CTDP1: variants seen among roughly 807,000 people sequenced by gnomAD.
The protein encoded by CTDP1 is RNA polymerase II subunit A C-terminal domain phosphatase.
CTDP1 carries 47 observed loss-of-function variants against 91.8 expected under a neutral mutation model. The observed-to-expected ratio is 0.51, with a 90% CI of 0.41 to 0.65. The LOEUF is 0.65. Ranked by LOEUF, CTDP1 falls within the 30% of genes least tolerant of loss-of-function variation. The pLI is 0.00. For synonymous variants in CTDP1, 656 were observed against 598.5 expected, an observed-to-expected ratio of 1.10 and a Z score of -1.40; for missense variants, 1,272 against 1,373.7, an observed-to-expected ratio of 0.93 and a Z score of 1.17.
rs180921777 is a variant in CTDP1, at chr18:79,729,577, G to A, written c.2580+508G>A. ...TCACAGCATCTCGTTATCACAGCGCGAAACAACTTTAGGCAGCATCGGTGG... is the reference window on the plus strand; with the variant it reads ...TCACAGCATCTCGTTATCACAGCGCAAAACAACTTTAGGCAGCATCGGTGG... On this transcript the variant is annotated intron_variant, in intron 11 of 12. Coordinates refer to ENST00000613122, the MANE Select transcript of CTDP1 (RefSeq NM_004715.5). Among the ~76,000 whole-genome samples the A allele has an allele frequency of 2.9e-3, 438 of 152,334 alleles. 1 individual carries two copies. The highest frequency in any genetic ancestry group is 0.01 in the African/African-American group (428 of 41,582).
intron 1 of CTDP1, 133 bp downstream of exon 1, chr18:79,680,394 C>A: frequency 1.5e-6 from 1 of 675,440 alleles, no homozygotes; most frequent in Non-Finnish European, 2.1e-6. Flanking sequence ...GACGCAGGCA[C>A]TGCGCTTCTC....
At chr18:79,699,624 T>G (rs1373873148) in intron 4 of CTDP1, among the ~76,000 whole-genome samples, 1 of 152,138 alleles carries the variant, frequency 6.6e-6, no homozygotes, top group Admixed American at 6.5e-5. Context: ...TGTAAGGACT[T>G]TATGAAAATA....
At chr18:79,748,698 G>A (rs776872706) in intron 12 of CTDP1, among the ~76,000 whole-genome samples, 3 of 152,198 alleles carry the variant, frequency 2.0e-5, no homozygotes, top group Non-Finnish European at 4.4e-5. Flanking sequence ...TGTTCCCAGC[G>A]AATGCCATGA....
At position 79,712,872 on chromosome 18, in the gene CTDP1, G is replaced by A. The variant is rs890051626; in HGVS notation, c.864-100G>A. On this transcript the variant is annotated intron_variant, in intron 6 of 12. Coordinates refer to ENST00000613122, the MANE Select transcript of CTDP1 (RefSeq NM_004715.5). ...CGTCTGATTAACCTGCTGTCTGCTG[G>A]TTACATGTGGATTAGAATCTTAAAC... 1.8e-5 allele frequency: 24 copies of A among 1,312,876 alleles called. No homozygotes were observed. In the African/African-American group the frequency reaches 3.4e-4, roughly 18 times the overall value. The allele number at this position is 1,312,876 out of a possible 1,614,324, so 81.3% of individuals were successfully genotyped here. A position where few individuals can be genotyped will look rare whatever the true frequency, so the allele number is the denominator to read the frequency against.
upstream of CTDP1, chr18:79,677,767 T>A (rs1206280985): frequency 6.6e-6 from 1 of 152,214 alleles, no homozygotes; most frequent in Non-Finnish European, 1.5e-5. Flanking sequence ...CATCCAGTAG[T>A]CTGTAAATGT....
intron 1 of CTDP1, among the ~76,000 whole-genome samples, chr18:79,689,093 T>A (rs1470413659): frequency 1.3e-5 from 2 of 152,190 alleles, no homozygotes; most frequent in African/African-American, 4.8e-5. Context: ...CCTAATAAAG[T>A]CCTTTGTAAC....
intron 10 of CTDP1, among the ~76,000 whole-genome samples, chr18:79,721,601 A>T (rs1188790199): frequency 1.3e-5 from 2 of 152,160 alleles, no homozygotes; most frequent in Non-Finnish European, 2.9e-5. Context: ...ATACTGTTGA[A>T]TAAAATATCC....
At chr18:79,678,283 G>A (rs988536498), upstream of CTDP1, 8 of 152,210 alleles carry the variant, frequency 5.3e-5, no homozygotes, top group African/African-American at 1.7e-4. Context: ...TCTTTAAACT[G>A]CTACTGGTGG....
In CTDP1 at chr18:79,713,521, C is replaced by T. The variant is rs181243564; in HGVS notation, c.1030+383C>T. 4.7e-3 allele frequency among the ~76,000 whole-genome samples: 713 copies of T among 152,270 alleles called. 4 individuals are homozygous for T. The highest frequency in any genetic ancestry group is 0.015 in the African/African-American group (642 of 41,548). On this transcript the variant is annotated intron_variant, in intron 7 of 12. Transcript: ENST00000613122. This position sits in a 1 kb window ranked among gnomAD's most constrained non-coding sequence, Gnocchi z 4.7. ...GGCTCTGCGGGGAATAACCGTTCCC[C>T]ATGCGCAGTGGTCAGGCTGGGCGCT...
chr18:79,731,465 C>T (rs1264706822), intron 11 of CTDP1, among the ~76,000 whole-genome samples: 2 of 152,172 alleles, frequency 1.3e-5, no homozygotes, highest in Non-Finnish European at 2.9e-5. Flanking sequence ...GAACTCGCGC[C>T]TGGTCAGTGC....
In CTDP1 at chr18:79,704,792, G is replaced by A. The variant is rs1289719410; in HGVS notation, c.647G>A (p.Arg216Gln). The change falls in exon 5 of 13, where the codon CGG becomes CAG. Residue 216 changes from arginine to glutamine, a missense_variant. Physicochemically the swap from Arg to Gln is conservative, Grantham distance 43. Around this residue, in one of 3 missense-constraint regions of CTDP1, gnomAD observed 177 missense variants for 283.0 expected, o/e 0.63. Coordinates refer to ENST00000613122, the MANE Select transcript of CTDP1 (RefSeq NM_004715.5). ...GGCATCTTTCACTTCCAGCTGGGCC[G>A]GGGTGAGCCCATGCTGCACACGCGC... Reference protein sequence around the residue: ...NKGIFHFQLGRGEPMLHTRLR... With the variant: ...NKGIFHFQLGQGEPMLHTRLR... The A allele has an allele frequency of 6.2e-7, 1 of 1,613,892 alleles. No individual in the cohort carries two copies. The highest frequency in any genetic ancestry group is 8.5e-7 in the Non-Finnish European group (1 of 1,180,042).
chr18:79,706,586 AGTTT>A (rs1285191737), intron 5 of CTDP1, among the ~76,000 whole-genome samples: 1 of 151,824 alleles, frequency 6.6e-6, no homozygotes, highest in Admixed American at 6.6e-5. Context: ...AATTTTGCCT[AGTTT>A]GTCTTAATAT....
intron 11 of CTDP1, among the ~76,000 whole-genome samples, chr18:79,734,059 G>A (rs1310771315): frequency 6.6e-6 from 1 of 152,230 alleles, no homozygotes; most frequent in African/African-American, 2.4e-5. Flanking sequence ...TTACAATGAT[G>A]TGCAAGTGAC....
intron 5 of CTDP1, among the ~76,000 whole-genome samples, chr18:79,705,539 G>A (rs568619990): frequency 6.6e-6 from 1 of 151,786 alleles, no homozygotes; most frequent in Admixed American, 6.6e-5. Context: ...TCTGTTCCAC[G>A]TGGACGAAGC....
At chr18:79,726,713 G>A (rs1001773279) in intron 10 of CTDP1, among the ~76,000 whole-genome samples, 1 of 151,706 alleles carries the variant, frequency 6.6e-6, no homozygotes, top group African/African-American at 2.4e-5. Flanking sequence ...CCTGAGAGTG[G>A]GGGATGGAGG....
intron 5 of CTDP1, among the ~76,000 whole-genome samples, chr18:79,706,752 G>A (rs1355465175): frequency 6.6e-6 from 1 of 152,194 alleles, no homozygotes; most frequent in African/African-American, 2.4e-5. Flanking sequence ...AACCAGGATT[G>A]TTCGGTGAGG....
chr18:79,690,479 A>G (rs527563299), intron 1 of CTDP1, among the ~76,000 whole-genome samples: 1 of 152,318 alleles, frequency 6.6e-6, no homozygotes, highest in Non-Finnish European at 1.5e-5. Flanking sequence ...ATCCGCATTC[A>G]AGAATCCACA....
At position 79,754,217 on chromosome 18, in the gene CTDP1, A is replaced by G. The variant is rs2087060089; in HGVS notation, c.*427A>G. On this transcript the variant is annotated 3_prime_UTR_variant, in exon 13 of 13. Coordinates refer to ENST00000613122, the MANE Select transcript of CTDP1 (RefSeq NM_004715.5). ...CACGAGCTCCGAGCCCAGCACAGAC[A>G]TGCCTGGAACCCCCGCCGCCTGCTG... The G allele has an allele frequency of 1.9e-5, 5 of 257,518 alleles. No homozygotes were observed. The South Asian group carries it at 2.2e-4, about 11-fold the overall frequency. The allele number at this position is 257,518 out of a possible 1,614,324, so 16.0% of individuals were successfully genotyped here.
chr18:79,701,555 AAATAAATAAATAAAT>A (rs1378392106), intron 4 of CTDP1, among the ~76,000 whole-genome samples: 2 of 150,442 alleles, frequency 1.3e-5, no homozygotes, highest in African/African-American at 4.9e-5. Context: ...ATAAATAAAT[AAATAAATAAATAAAT>A]AAAAGAGCTA....
Sources: allele counts gnomAD v4.1 joint callset (sites outside exome capture counted in the v4.1 genomes callset), GRCh38; gene constraint gnomAD v4.1.1; regional missense constraint gnomAD v4.1.1; non-coding constraint Gnocchi (gnomAD v3.1); transcripts MANE v1.5; gene names NCBI Gene and HGNC (gene_info 2026-07-23, HGNC 2026-07-21).